GLIS3: variants seen among roughly 807,000 people sequenced by gnomAD.
The protein encoded by GLIS3 is GLIS family zinc finger 3, also known as zinc finger protein GLIS3.
In GLIS3, 53 loss-of-function variants were observed where a neutral mutation model predicts 78.6. The observed-to-expected ratio is 0.67, with a 90% CI of 0.54 to 0.85. The LOEUF is 0.85. Ranked by LOEUF, GLIS3 falls within the 40% of genes least tolerant of loss-of-function variation. GLIS3 has a pLI of 0.00. For missense variants in GLIS3, 1,703 were observed against 1,231.1 expected (o/e 1.38, Z -5.74); for synonymous variants, 684 against 509.9 (o/e 1.34, Z -4.60).
chr9:4,433,866 G>C, the GLIS3 span, among the ~76,000 whole-genome samples: 1 of 152,178 alleles, frequency 6.6e-6, no homozygotes, highest in African/African-American at 2.4e-5. Context: ...GGAGGCCAAG[G>C]CAGGTGGATC....
At chr9:4,342,433 C>G (rs1817847960) in intron 2 of GLIS3, among the ~76,000 whole-genome samples, 2 of 152,142 alleles carry the variant, frequency 1.3e-5, no homozygotes, top group Non-Finnish European at 2.9e-5. Context: ...TCTGGGTTCT[C>G]TATTCTGTTC....
At chr9:4,487,135 G>A in the GLIS3 span, among the ~76,000 whole-genome samples, 2 of 152,138 alleles carry the variant, frequency 1.3e-5, no homozygotes, top group Non-Finnish European at 2.9e-5. Context: ...GAGTAGCTGG[G>A]ATTACAGGCA....
At chr9:4,158,191 T>C (rs925831690) in intron 2 of GLIS3, among the ~76,000 whole-genome samples, 3 of 152,230 alleles carry the variant, frequency 2.0e-5, no homozygotes, top group African/African-American at 7.2e-5. Flanking sequence ...AATTCCTTCT[T>C]ATGTTTCATA....
chr9:4,249,709 G>T (rs547336507), intron 2 of GLIS3, among the ~76,000 whole-genome samples: 1 of 152,278 alleles, frequency 6.6e-6, no homozygotes, highest in Non-Finnish European at 1.5e-5. Context: ...TTTTCAAAGG[G>T]AATGCTTCCA....
the GLIS3 span, among the ~76,000 whole-genome samples, chr9:4,483,677 G>C: frequency 6.7e-6 from 1 of 149,556 alleles, no homozygotes; most frequent in Admixed American, 6.7e-5. Context: ...CCGATATCAT[G>C]CCACTGCGCT....
rs116297157 is a variant in GLIS3, at chr9:4,122,462, G to A, written c.596+3272C>T. ...ACCCCCTTAGCCTTCTCTGACCTTT[G>A]TGGATATACTCTCAAAGGAAACCAT... On this transcript the variant is annotated intron_variant, in intron 3 of 10. Transcript: ENST00000381971. 8.1e-3 allele frequency among the ~76,000 whole-genome samples: 1,235 copies of A among 152,188 alleles called. 17 individuals carry two copies. Among genetic ancestry groups the A allele is most frequent in the African/African-American group, 0.028 (1,182 of 41,522 alleles).
chr9:4,438,261 C>G, the GLIS3 span, among the ~76,000 whole-genome samples: 4 of 152,164 alleles, frequency 2.6e-5, no homozygotes, highest in East Asian at 7.7e-4. Context: ...TCATGCCACC[C>G]CAATGAATCT....
chr9:3,937,496 G>T (rs566866324), intron 4 of GLIS3, among the ~76,000 whole-genome samples: 2 of 152,172 alleles, frequency 1.3e-5, no homozygotes, highest in South Asian at 4.2e-4. Flanking sequence ...ACAGTAATGT[G>T]TGTCTTAAAG....
intron 2 of GLIS3, among the ~76,000 whole-genome samples, chr9:4,167,265 T>A (rs1215195252): frequency 6.6e-6 from 1 of 151,874 alleles, no homozygotes; most frequent in Non-Finnish European, 1.5e-5. Context: ...AAATTCCAAA[T>A]TATGGCAATT....
At chr9:4,452,510 G>A in the GLIS3 span, among the ~76,000 whole-genome samples, 40 of 152,266 alleles carry the variant, frequency 2.6e-4, no homozygotes, top group Admixed American at 2.2e-3. Context: ...GAAATCACAA[G>A]CATTCCTATA....
At chr9:3,931,902 G>A (rs1447274966) in intron 6 of GLIS3, among the ~76,000 whole-genome samples, 2 of 152,114 alleles carry the variant, frequency 1.3e-5, no homozygotes, top group Admixed American at 6.5e-5. Context: ...TCCTAGAGAC[G>A]TACTTACCTT....
intron 4 of GLIS3, among the ~76,000 whole-genome samples, chr9:3,950,734 G>T (rs1030723922): frequency 3.3e-5 from 5 of 152,224 alleles, no homozygotes; most frequent in Non-Finnish European, 5.9e-5. Flanking sequence ...AACCAGGCTT[G>T]TCCCTTTTCA....
chr9:3,976,852 C>T (rs1312524243), intron 4 of GLIS3, among the ~76,000 whole-genome samples: 7 of 54,232 alleles, frequency 1.3e-4, no homozygotes, highest in South Asian at 1.5e-3. Flanking sequence ...AATCCACAAT[C>T]GGATGACATC....
chr9:3,984,008 C>G (rs566760900), intron 4 of GLIS3, among the ~76,000 whole-genome samples: 1 of 152,268 alleles, frequency 6.6e-6, no homozygotes, highest in Non-Finnish European at 1.5e-5. Flanking sequence ...TTCATGGCAG[C>G]TTCTCCTATC....
the GLIS3 span, among the ~76,000 whole-genome samples, chr9:4,474,111 T>C: frequency 6.6e-6 from 1 of 152,196 alleles, no homozygotes; most frequent in Non-Finnish European, 1.5e-5. Context: ...AAATTTTATA[T>C]GGAAATTCAA....
intron 2 of GLIS3, among the ~76,000 whole-genome samples, chr9:4,337,070 G>A (rs1418496436): frequency 6.6e-6 from 1 of 152,068 alleles, no homozygotes; most frequent in African/African-American, 2.4e-5. Flanking sequence ...ATCAAATTAG[G>A]AAAAGAAAAT....
At chr9:4,376,247 G>T in the GLIS3 span, among the ~76,000 whole-genome samples, 1 of 152,154 alleles carries the variant, frequency 6.6e-6, no homozygotes, top group Admixed American at 6.6e-5. Context: ...AAGGAAACAG[G>T]TTGGTGGGGA....
chr9:4,094,920 T>C (rs1166176083), intron 4 of GLIS3, among the ~76,000 whole-genome samples: 2 of 152,188 alleles, frequency 1.3e-5, no homozygotes, highest in Non-Finnish European at 2.9e-5. Flanking sequence ...ATAATAATTG[T>C]ACATATTCAT....
At chr9:4,013,142 C>G (rs905324858) in intron 4 of GLIS3, among the ~76,000 whole-genome samples, 1 of 151,922 alleles carries the variant, frequency 6.6e-6, no homozygotes, top group Non-Finnish European at 1.5e-5. Flanking sequence ...GTTGGTGATG[C>G]CTGTAAGGAA....
Sources: allele counts gnomAD v4.1 joint callset (sites outside exome capture counted in the v4.1 genomes callset), GRCh38; gene constraint gnomAD v4.1.1; transcripts MANE v1.5; gene names NCBI Gene and HGNC (gene_info 2026-07-23, HGNC 2026-07-21).